MEI4: variants seen among roughly 807,000 people sequenced by gnomAD.
MEI4 encodes meiotic double-stranded break formation protein 4, also known as meiosis-specific protein MEI4.
In MEI4, 27 loss-of-function variants were observed where a neutral mutation model predicts 31.4. That is an observed-to-expected ratio of 0.86 (90% CI 0.63 to 1.19). The LOEUF (loss-of-function observed/expected upper bound fraction) is 1.19, where lower values mean the gene tolerates loss of function less well. MEI4 is among the 50% of genes most tolerant of loss of function. The pLI is 0.00. For synonymous variants in MEI4, 122 were observed against 145.4 expected (o/e 0.84, Z 1.16); for missense variants, 329 against 398.9 (o/e 0.82, Z 1.49).
chr6:77,710,990 A>G (rs187910902), intron 2 of MEI4, among the ~76,000 whole-genome samples: 1 of 152,354 alleles, frequency 6.6e-6, no homozygotes, highest in East Asian at 1.9e-4. Flanking sequence ...TATCTATTAG[A>G]AAGAATGGAA....
At chr6:77,835,426 GA>G (rs1770195534) in intron 4 of MEI4, among the ~76,000 whole-genome samples, 1 of 140,286 alleles carries the variant, frequency 7.1e-6, no homozygotes, top group Non-Finnish European at 1.6e-5. Flanking sequence ...AAAAAGAAGA[GA>G]AAAAAGCTCC....
chr6:77,742,811 A>G (rs947508715), intron 2 of MEI4, among the ~76,000 whole-genome samples: 45 of 152,008 alleles, frequency 3.0e-4, no homozygotes, highest in East Asian at 9.6e-4. Flanking sequence ...GGTGTAAGGA[A>G]GGGATCCAGT....
chr6:77,652,199 G>A (rs917699514), upstream of MEI4, among the ~76,000 whole-genome samples: 2 of 152,172 alleles, frequency 1.3e-5, no homozygotes, highest in Non-Finnish European at 1.5e-5. Context: ...TTAGAGATCA[G>A]TTAGAAGGCT....
intron 2 of MEI4, among the ~76,000 whole-genome samples, chr6:77,695,424 T>C (rs1766001365): frequency 2.0e-5 from 3 of 152,362 alleles, no homozygotes; most frequent in Middle Eastern, 6.8e-3. Flanking sequence ...TTAATCCATC[T>C]TGAATTAATT....
At chr6:77,753,301 C>G (rs778425309) in intron 2 of MEI4, among the ~76,000 whole-genome samples, 8 of 152,146 alleles carry the variant, frequency 5.3e-5, no homozygotes, top group Admixed American at 2.6e-4. Context: ...AAACTATCAT[C>G]AGAGTGAACA....
chr6:77,802,972 G>T (rs1474270956), intron 3 of MEI4, among the ~76,000 whole-genome samples: 1 of 152,114 alleles, frequency 6.6e-6, no homozygotes, highest in East Asian at 1.9e-4. Flanking sequence ...TTCTCGAGGA[G>T]TATCTTTGTG....
intron 2 of MEI4, among the ~76,000 whole-genome samples, chr6:77,728,543 A>G (rs1368566750): frequency 1.3e-5 from 2 of 152,230 alleles, no homozygotes; most frequent in Non-Finnish European, 2.9e-5. Context: ...TAAAAAGTAA[A>G]CCTGTAAGCA....
chr6:77,699,196 T>TTG (rs1766141164), intron 2 of MEI4, among the ~76,000 whole-genome samples: 1 of 145,378 alleles, frequency 6.9e-6, no homozygotes. Flanking sequence ...TTTCTTTTTT[T>TTG]TTTTTTTTTT....
At chr6:77,805,310 A>C (rs956024674) in intron 3 of MEI4, among the ~76,000 whole-genome samples, 25 of 152,094 alleles carry the variant, frequency 1.6e-4, no homozygotes, top group African/African-American at 6.0e-4. Flanking sequence ...ATTCCCTGCT[A>C]TGTTTTTCTT....
intron 4 of MEI4, among the ~76,000 whole-genome samples, chr6:77,848,308 A>C (rs1451204682): frequency 1.3e-5 from 2 of 152,000 alleles, no homozygotes; most frequent in Non-Finnish European, 2.9e-5. Flanking sequence ...GTTCATTGCA[A>C]TTGACCAGGC....
intron 4 of MEI4, among the ~76,000 whole-genome samples, chr6:77,836,561 A>G (rs544280934): frequency 6.6e-6 from 1 of 152,156 alleles, no homozygotes; most frequent in Non-Finnish European, 1.5e-5. Context: ...AAAATAGAAC[A>G]TGCAAATTAA....
intron 4 of MEI4, among the ~76,000 whole-genome samples, chr6:77,884,019 G>C (rs974880579): frequency 4.0e-5 from 6 of 151,534 alleles, no homozygotes. Flanking sequence ...CCTCACCAAC[G>C]GTTGTTATTT....
intron 4 of MEI4, among the ~76,000 whole-genome samples, chr6:77,911,685 A>G (rs1046256960): frequency 2.0e-5 from 3 of 149,272 alleles, no homozygotes; most frequent in Non-Finnish European, 4.4e-5. Flanking sequence ...CATGATATAT[A>G]TAATGCATAT....
chr6:77,666,880 TGTGCGTGCGTGC>T (rs1554208080), intron 1 of MEI4, among the ~76,000 whole-genome samples: 1 of 147,566 alleles, frequency 6.8e-6, no homozygotes, highest in Non-Finnish European at 1.5e-5. Context: ...TGTGTGTGTG[TGTGCGTGCGTGC>T]GTGCGTGCAT....
At chr6:77,653,420 C>T (rs757457495) in intron 1 of MEI4, among the ~76,000 whole-genome samples, 1 of 152,108 alleles carries the variant, frequency 6.6e-6, no homozygotes, top group Non-Finnish European at 1.5e-5. Context: ...GGAGGTTAGT[C>T]TTCTTTTCTT....
intron 2 of MEI4, among the ~76,000 whole-genome samples, chr6:77,742,384 T>C (rs1582088453): frequency 6.6e-6 from 1 of 152,108 alleles, no homozygotes; most frequent in Non-Finnish European, 1.5e-5. Context: ...ATGGTGAGCA[T>C]TTTTTCCTGT....
At position 77,692,571 on chromosome 6, in the gene MEI4, T is replaced by C. The variant is rs1203098910; in HGVS notation, c.232+1668T>C. Among the ~76,000 whole-genome samples the C allele has an allele frequency of 2.0e-5, 3 of 152,034 alleles. No homozygotes were observed. In the East Asian group the frequency reaches 5.8e-4, roughly 29 times the overall value. The stretch of plus-strand genomic sequence containing the variant: ...ATAGTGAGTTGAATTAGATCTGTGA[T>C]AGTGAGAAATAAAAGGACAGACATG... On this transcript the variant is annotated intron_variant, in intron 2 of 4. Transcript: ENST00000684080.
intron 4 of MEI4, among the ~76,000 whole-genome samples, chr6:77,909,551 T>C (rs1050614274): frequency 1.3e-5 from 2 of 152,062 alleles, no homozygotes; most frequent in Non-Finnish European, 2.9e-5. Context: ...GGCTCTGAAA[T>C]TGAGGCAATA....
intron 3 of MEI4, among the ~76,000 whole-genome samples, chr6:77,800,873 G>A (rs1220327237): frequency 2.0e-5 from 3 of 152,116 alleles, no homozygotes; most frequent in Non-Finnish European, 4.4e-5. Context: ...GCTTTTTGAT[G>A]TGCTACTGGA....
Sources: allele counts gnomAD v4.1 joint callset (sites outside exome capture counted in the v4.1 genomes callset), GRCh38; gene constraint gnomAD v4.1.1; transcripts MANE v1.5; gene names NCBI Gene and HGNC (gene_info 2026-07-23, HGNC 2026-07-21).